The following BIN3 variants were observed in gnomAD, a reference collection of about 807,000 sequenced individuals.
The protein encoded by BIN3 is bridging integrator 3.
BIN3 carries 41 observed loss-of-function variants against 38.2 expected under a neutral mutation model. That is an observed-to-expected ratio of 1.07 (90% CI 0.84 to 1.39). The LOEUF (loss-of-function observed/expected upper bound fraction) is 1.39. BIN3 is among the 40% of genes most tolerant of loss of function. The probability of loss-of-function intolerance (pLI) is 0.00; values close to 1 mark genes in which losing one functional copy is unlikely to be tolerated. For synonymous variants in BIN3, 145 were observed against 122.6 expected (o/e 1.18, Z -1.21); for missense variants, 361 against 324.3 (o/e 1.11, Z -0.87).
intron 2 of BIN3, among the ~76,000 whole-genome samples, chr8:22,638,631 C>G (rs1563960671): frequency 6.6e-6 from 1 of 152,178 alleles, no homozygotes; most frequent in South Asian, 2.1e-4. Context: ...AACACAGAGT[C>G]TGCTTAGCTC....
chr8:22,630,102 G>C, intron 5 of BIN3, 98 bp from the exon 6 acceptor site: 1 of 1,276,082 alleles, frequency 7.8e-7, no homozygotes, highest in Non-Finnish European at 1.1e-6. Context: ...GAAGTCTAAA[G>C]GGCCACAGGG....
At chr8:22,636,157 C>T (rs1453876350) in intron 4 of BIN3, among the ~76,000 whole-genome samples, 1 of 152,232 alleles carries the variant, frequency 6.6e-6, no homozygotes, top group Admixed American at 6.5e-5. Flanking sequence ...TCCCAGCAGG[C>T]CACGGAGTCT....
intron 4 of BIN3, among the ~76,000 whole-genome samples, chr8:22,635,080 C>A (rs905500703): frequency 6.6e-6 from 1 of 152,190 alleles, no homozygotes; most frequent in African/African-American, 2.4e-5. Context: ...GGTCAGCGTG[C>A]ACCACCTTAG....
chr8:22,667,863 C>G (rs1019215816), intron 1 of BIN3, among the ~76,000 whole-genome samples: 1 of 152,142 alleles, frequency 6.6e-6, no homozygotes, highest in Admixed American at 6.5e-5. Flanking sequence ...GAGAAGTATC[C>G]CTGACACTGA....
intron 4 of BIN3, among the ~76,000 whole-genome samples, chr8:22,631,185 C>T (rs1299794156): frequency 6.6e-6 from 1 of 152,174 alleles, no homozygotes; most frequent in Non-Finnish European, 1.5e-5. Context: ...ATTAGGCCAG[C>T]AGCTGCACCC....
At chr8:22,636,994 G>T in intron 2 of BIN3, 32 bp from the exon 3 acceptor site, 1 of 1,605,778 alleles carries the variant, frequency 6.2e-7, no homozygotes, top group Non-Finnish European at 8.5e-7. Context: ...AATTATCGGA[G>T]AAATGACAAC....
chr8:22,636,693 TC>T, intron 3 of BIN3, 107 bp from the exon 4 acceptor site: 1 of 1,260,756 alleles, frequency 7.9e-7, no homozygotes, highest in Non-Finnish European at 1.1e-6. Flanking sequence ...AGGGATCTTC[TC>T]CACGGGGACT....
intron 1 of BIN3, among the ~76,000 whole-genome samples, chr8:22,646,861 C>T (rs1802728268): frequency 6.6e-6 from 1 of 152,098 alleles, no homozygotes; most frequent in African/African-American, 2.4e-5. Flanking sequence ...AGCAATTGCC[C>T]TCAAGGACCA....
In BIN3 at chr8:22,636,537, C is replaced by T. The variant is rs373328617; in HGVS notation, c.148G>A (p.Asp50Asn). 47 of 1,552,704 alleles carry T rather than the reference C, an allele frequency of 3.0e-5. No homozygotes were observed. The highest frequency in any genetic ancestry group is 2.7e-4 in the East Asian group (11 of 40,972). ...GAAAGTCACCTACCCAGGTCTGCGT[C>T]GGTGCTCTTCTTCATGTCTTTCTGC... is the stretch of plus-strand genomic sequence containing the variant. ...RLQKDMKKSTDADLAMSKSAV... is the reference protein window; with the variant it reads ...RLQKDMKKSTNADLAMSKSAV... Residue 50 changes from aspartate (D) to asparagine (N), a missense_variant, in exon 4 of 9, where the codon GAC becomes AAC. Transcript: ENST00000276416.
At chr8:22,638,985 G>C (rs901775893) in intron 2 of BIN3, among the ~76,000 whole-genome samples, 7 of 152,238 alleles carry the variant, frequency 4.6e-5, no homozygotes, top group African/African-American at 1.7e-4. Context: ...AGTGTTGCCT[G>C]TCCCAGGGGA....
At chr8:22,662,134 C>T (rs925628327) in intron 1 of BIN3, among the ~76,000 whole-genome samples, 8 of 152,184 alleles carry the variant, frequency 5.3e-5, no homozygotes, top group Admixed American at 2.0e-4. Flanking sequence ...AATTTATTTC[C>T]CCATTCTCCA....
chr8:22,662,453 G>A (rs1257777084), intron 1 of BIN3, among the ~76,000 whole-genome samples: 1 of 152,134 alleles, frequency 6.6e-6, no homozygotes, highest in African/African-American at 2.4e-5. Flanking sequence ...TGTTCACTTG[G>A]GTTTTCTTTT....
intron 4 of BIN3, among the ~76,000 whole-genome samples, chr8:22,632,330 C>A (rs1293094725): frequency 6.6e-6 from 1 of 152,332 alleles, no homozygotes; most frequent in Admixed American, 6.5e-5. Flanking sequence ...GTCAGCAAAG[C>A]AGCGCTGAGC....
chr8:22,651,751 A>G (rs1802900685), intron 1 of BIN3, among the ~76,000 whole-genome samples: 1 of 152,190 alleles, frequency 6.6e-6, no homozygotes, highest in African/African-American at 2.4e-5. Context: ...TATGTTTGTC[A>G]CGGTGTTGTA....
chr8:22,630,779 T>C (rs1250343215), intron 4 of BIN3, among the ~76,000 whole-genome samples: 6 of 152,168 alleles, frequency 3.9e-5, no homozygotes, highest in Non-Finnish European at 8.8e-5. Context: ...ACCCTAACAC[T>C]GCTCCAGACA....
At chr8:22,658,591 T>C (rs1207154111) in intron 1 of BIN3, among the ~76,000 whole-genome samples, 2 of 152,238 alleles carry the variant, frequency 1.3e-5, no homozygotes, top group Admixed American at 1.3e-4. Context: ...CAGATGGCAG[T>C]TGGGGAGGGA....
chr8:22,627,942 G>C (rs1419356449), intron 6 of BIN3, among the ~76,000 whole-genome samples: 1 of 152,224 alleles, frequency 6.6e-6, no homozygotes, highest in African/African-American at 2.4e-5. Context: ...TCAAAGAAGG[G>C]GGCCGGGCTG....
At chr8:22,660,579 G>A (rs1803200384) in intron 1 of BIN3, among the ~76,000 whole-genome samples, 1 of 152,162 alleles carries the variant, frequency 6.6e-6, no homozygotes, top group African/African-American at 2.4e-5. Context: ...CTGACTTCTA[G>A]GCCCCCTCCC....
At chr8:22,662,042 G>A (rs184052968) in intron 1 of BIN3, among the ~76,000 whole-genome samples, 120 of 152,278 alleles carry the variant, frequency 7.9e-4, no homozygotes, top group Middle Eastern at 6.8e-3. Flanking sequence ...TGATCTGCCC[G>A]CCTCTGCCTC....
Sources: gnomAD v4.1 joint callset for allele counts (sites outside exome capture counted in the v4.1 genomes callset) on GRCh38, gnomAD v4.1.1 for gene constraint, MANE v1.5 for transcripts, NCBI Gene and HGNC (gene_info 2026-07-23, HGNC 2026-07-21) for gene names.